PTPN3: variants seen among roughly 807,000 people sequenced by gnomAD.
PTPN3 encodes tyrosine-protein phosphatase non-receptor type 3.
Under a neutral mutation model 132.7 loss-of-function variants are expected in PTPN3, and 96 were observed. The ratio of observed to expected loss-of-function variants is 0.72; its 90% CI spans 0.61 to 0.86. The LOEUF (loss-of-function observed/expected upper bound fraction) is 0.86, where lower values mean the gene tolerates loss of function less well. Among genes scored for constraint, PTPN3 ranks in the 40% least tolerant of loss-of-function variants. The probability of loss-of-function intolerance (pLI) is 0.00; values close to 1 mark genes in which losing one functional copy is unlikely to be tolerated. For synonymous variants in PTPN3, 398 were observed against 429.0 expected (o/e 0.93, Z 0.89); for missense variants, 1,125 against 1,159.6 (o/e 0.97, Z 0.43).
At chr9:109,532,898 G>A in the PTPN3 span, 1 of 1,066,622 alleles carries the variant, frequency 9.4e-7, no homozygotes, top group Non-Finnish European at 1.2e-6. Flanking sequence ...TGGATCGGCT[G>A]CTTTTGTCTC....
intron 14 of PTPN3, among the ~76,000 whole-genome samples, chr9:109,419,768 A>T (rs1249132908): frequency 1.3e-5 from 2 of 152,180 alleles, no homozygotes; most frequent in Non-Finnish European, 2.9e-5. Context: ...AAATGGGTTA[A>T]ATATATCCTA....
intron 18 of PTPN3, among the ~76,000 whole-genome samples, chr9:109,405,499 A>G (rs1020669355): frequency 2.6e-5 from 4 of 152,198 alleles, no homozygotes; most frequent in Non-Finnish European, 5.9e-5. Flanking sequence ...CAACAACTAT[A>G]AAGACAACAG....
At chr9:109,535,666 C>T in the PTPN3 span, among the ~76,000 whole-genome samples, 11 of 152,086 alleles carry the variant, frequency 7.2e-5, no homozygotes, top group East Asian at 2.1e-3. Flanking sequence ...GCCACCATGC[C>T]CAGCTAATTT....
chr9:109,450,019 A>G, intron 5 of PTPN3: 1 of 982,894 alleles, frequency 1.0e-6, no homozygotes. Flanking sequence ...ACAAAATCGG[A>G]GCTCAGATAG....
At chr9:109,434,814 T>C (rs1237015696) in intron 9 of PTPN3, among the ~76,000 whole-genome samples, 1 of 152,194 alleles carries the variant, frequency 6.6e-6, no homozygotes, top group Non-Finnish European at 1.5e-5. Flanking sequence ...GCTTGGCATA[T>C]GGAGCTTCTA....
In PTPN3 at chr9:109,463,459, A is replaced by G; in HGVS notation, c.-17-8T>C. ...TAACTATCGCTGAATAACCTGTAAC[A>G]TAAAATATACCTGTTAGTGCTTTAA... On this transcript the variant is annotated splice_polypyrimidine_tract_variant and splice_region_variant and intron_variant, in intron 1 of 25. Transcript: ENST00000374541. 6.2e-7 allele frequency: 1 copy of G among 1,600,912 alleles called. No homozygotes were observed. Among genetic ancestry groups the G allele is most frequent in the Non-Finnish European group, 8.5e-7 (1 of 1,175,246 alleles).
the PTPN3 span, among the ~76,000 whole-genome samples, chr9:109,518,124 A>T: frequency 8.8e-6 from 1 of 113,958 alleles, no homozygotes; most frequent in Non-Finnish European, 2.1e-5. Context: ...CTCTCTAAGT[A>T]ATCCCTTCAT....
At chr9:109,382,571 T>C in intron 23 of PTPN3, 124 bp from the exon 24 acceptor site, 1 of 1,102,810 alleles carries the variant, frequency 9.1e-7, no homozygotes, top group Admixed American at 2.3e-5. Flanking sequence ...AGCCCTGCTG[T>C]GGCCCCTAGC....
chr9:109,477,677 C>T (rs1846749788), intron 1 of PTPN3, among the ~76,000 whole-genome samples: 1 of 152,232 alleles, frequency 6.6e-6, no homozygotes, highest in African/African-American at 2.4e-5. Flanking sequence ...AGCGGGAGGG[C>T]AGAAACAGGC....
chr9:109,387,090 A>G (rs368531654), intron 22 of PTPN3, among the ~76,000 whole-genome samples: 51 of 152,276 alleles, frequency 3.3e-4, no homozygotes, highest in African/African-American at 1.2e-3. Flanking sequence ...CACTGGCCAG[A>G]CTGGTGAGCT....
intron 14 of PTPN3, among the ~76,000 whole-genome samples, chr9:109,415,270 C>G (rs1336767842): frequency 6.6e-6 from 1 of 152,096 alleles, no homozygotes; most frequent in East Asian, 1.9e-4. Flanking sequence ...ATAATATTAT[C>G]ATGTTACAGT....
the PTPN3 span, among the ~76,000 whole-genome samples, chr9:109,508,860 C>G: frequency 2.0e-5 from 3 of 151,954 alleles, no homozygotes; most frequent in Admixed American, 1.3e-4. Flanking sequence ...ATGTCCCCCC[C>G]CCACCCACCA....
chr9:109,391,320 C>A, intron 20 of PTPN3, 121 bp from the exon 21 acceptor site: 1 of 1,267,212 alleles, frequency 7.9e-7, no homozygotes. Context: ...ACACTATTCC[C>A]CAACTGTTCC....
Position 109,426,949 on chromosome 9 carries a change from C to T in PTPN3, c.1001+1G>A. 3 of 1,609,380 alleles carry T rather than the reference C, an allele frequency of 1.9e-6. No homozygotes were observed. Among genetic ancestry groups the T allele is most frequent in the Non-Finnish European group, 2.6e-6 (3 of 1,175,862 alleles). On this transcript the variant is annotated splice_donor_variant, in intron 12 of 25. Coordinates refer to ENST00000374541, the MANE Select transcript of PTPN3 (RefSeq NM_002829.4). LOFTEE classifies it high-confidence loss of function. ...GGACACAGTCTTTACAGCACACTCA[C>T]TTTTTGGTGTTCCGAGAGCCCATAG...
At chr9:109,434,976 T>C (rs1158669094) in intron 9 of PTPN3, among the ~76,000 whole-genome samples, 1 of 152,220 alleles carries the variant, frequency 6.6e-6, no homozygotes, top group Admixed American at 6.5e-5. Context: ...CAGTATTCAC[T>C]ATCAGTACCC....
chr9:109,500,078 T>C (rs765439446), upstream of PTPN3, among the ~76,000 whole-genome samples: 17 of 152,214 alleles, frequency 1.1e-4, no homozygotes, highest in Non-Finnish European at 2.2e-4. Flanking sequence ...CCCACTGCCT[T>C]ATCCTCTCTG....
Position 109,422,767 on chromosome 9 carries a change from AG to A in PTPN3, c.1086del (p.Leu363Ter). On this transcript the variant is annotated frameshift_variant, in exon 13 of 26. Coordinates refer to ENST00000374541, the MANE Select transcript of PTPN3 (RefSeq NM_002829.4). LOFTEE classifies it high-confidence loss of function. ...PAMRRSLSVE[H>X]LETKSLPSRS... ...CGAGAAGGCAGACTCTTGGTTTCTA[AG>A]TGCTCCACTGATAAGGATCTCCGCA... 1 of 1,611,414 alleles carries A rather than the reference AG, an allele frequency of 6.2e-7. No individual in the cohort carries two copies. The highest frequency in any genetic ancestry group is 8.5e-7 in the Non-Finnish European group (1 of 1,177,912).
intron 11 of PTPN3, 59 bp from the exon 12 acceptor site, chr9:109,427,181 G>A (rs576575383): frequency 1.2e-4 from 183 of 1,561,712 alleles, no homozygotes; most frequent in Admixed American, 6.1e-4. Context: ...GGACTTGTAA[G>A]CATTTAACCC....
At chr9:109,480,895 A>AATGGATGGATGGATGGATGG (rs199785673) in intron 1 of PTPN3, among the ~76,000 whole-genome samples, 2 of 151,694 alleles carry the variant, frequency 1.3e-5, no homozygotes, top group Non-Finnish European at 2.9e-5. Context: ...CTGTGGGATG[A>AATGGATGGATGGATGGATGG]ATGGATGGAT....
Sources: allele counts gnomAD v4.1 joint callset (sites outside exome capture counted in the v4.1 genomes callset), GRCh38; gene constraint gnomAD v4.1.1; transcripts MANE v1.5; gene names NCBI Gene and HGNC (gene_info 2026-07-23, HGNC 2026-07-21).